Variants in PDE7B observed in about 807,000 individuals in gnomAD.
PDE7B encodes the protein phosphodiesterase 7B, also known as 3',5'-cyclic-AMP phosphodiesterase 7B.
PDE7B carries 29 observed loss-of-function variants against 56.2 expected under a neutral mutation model. That is an observed-to-expected ratio of 0.52 (90% CI 0.38 to 0.70). PDE7B has a LOEUF of 0.70. Ranked by LOEUF, PDE7B falls within the 30% of genes least tolerant of loss-of-function variation. The probability of loss-of-function intolerance (pLI) is 0.00; values close to 1 mark genes in which losing one functional copy is unlikely to be tolerated. For synonymous variants in PDE7B, 197 were observed against 196.9 expected (o/e 1.00, Z 0.00); for missense variants, 490 against 565.0 (o/e 0.87, Z 1.35).
intron 2 of PDE7B, among the ~76,000 whole-genome samples, chr6:136,102,683 C>T (rs1016147279): frequency 6.6e-6 from 1 of 152,112 alleles, no homozygotes; most frequent in Non-Finnish European, 1.5e-5. Flanking sequence ...TTTTATGAGA[C>T]TCCTATGTTC....
At chr6:135,936,768 C>T (rs1317452716) in intron 1 of PDE7B, among the ~76,000 whole-genome samples, 1 of 152,184 alleles carries the variant, frequency 6.6e-6, no homozygotes, top group Non-Finnish European at 1.5e-5. Flanking sequence ...TTCCAGGATC[C>T]AGAGGCCTGA....
intron 2 of PDE7B, chr6:135,993,244 A>C (rs1775505131): frequency 6.6e-6 from 1 of 152,250 alleles, no homozygotes; most frequent in Non-Finnish European, 1.5e-5. Context: ...TCAAAAGTTC[A>C]GCCTTAGCCA....
At chr6:136,173,054 A>G (rs537866882) in intron 8 of PDE7B, among the ~76,000 whole-genome samples, 3 of 152,100 alleles carry the variant, frequency 2.0e-5, no homozygotes, top group Non-Finnish European at 2.9e-5. Context: ...GGAAGAATCA[A>G]TATCATGAAA....
intron 2 of PDE7B, chr6:136,094,190 G>A (rs939067195): frequency 6.6e-6 from 1 of 152,236 alleles, no homozygotes; most frequent in Admixed American, 6.5e-5. Flanking sequence ...TCCATTCACG[G>A]AGGGCAGAGC....
intron 4 of PDE7B, among the ~76,000 whole-genome samples, chr6:136,148,204 C>T (rs1010498433): frequency 1.3e-5 from 2 of 151,642 alleles, no homozygotes; most frequent in African/African-American, 4.9e-5. Flanking sequence ...AAATATATAC[C>T]ACTGGCAAAG....
At chr6:136,161,353 C>A (rs1778701466) in intron 8 of PDE7B, among the ~76,000 whole-genome samples, 1 of 152,166 alleles carries the variant, frequency 6.6e-6, no homozygotes, top group Admixed American at 6.5e-5. Flanking sequence ...GGTCACCTAA[C>A]TCATTCACTG....
intron 1 of PDE7B, among the ~76,000 whole-genome samples, chr6:135,873,231 CAAG>C (rs1413935981): frequency 6.6e-6 from 1 of 152,126 alleles, no homozygotes; most frequent in Non-Finnish European, 1.5e-5. Flanking sequence ...TTTCTGCTGT[CAAG>C]AACACACCTG....
chr6:136,126,063 A>T (rs1778018776), intron 3 of PDE7B, among the ~76,000 whole-genome samples: 1 of 152,338 alleles, frequency 6.6e-6, no homozygotes, highest in African/African-American at 2.4e-5. Flanking sequence ...CAATAAGTAA[A>T]TACTTGGGCA....
At chr6:136,121,737 A>T (rs1448444448) in intron 3 of PDE7B, among the ~76,000 whole-genome samples, 2 of 152,238 alleles carry the variant, frequency 1.3e-5, no homozygotes, top group African/African-American at 2.4e-5. Context: ...AAAGGTTGGC[A>T]TTGGCATTTG....
At chr6:136,153,121 G>A (rs1778548591) in intron 6 of PDE7B, among the ~76,000 whole-genome samples, 1 of 152,192 alleles carries the variant, frequency 6.6e-6, no homozygotes, top group South Asian at 2.1e-4. Flanking sequence ...CAAGCTGATT[G>A]TATTTCAATT....
intron 2 of PDE7B, among the ~76,000 whole-genome samples, chr6:136,005,183 C>T (rs1192707381): frequency 4.6e-5 from 7 of 152,170 alleles, no homozygotes; most frequent in Admixed American, 1.3e-4. Context: ...CCCTTCCTTA[C>T]ACCTTATACA....
intron 3 of PDE7B, among the ~76,000 whole-genome samples, chr6:136,126,500 C>T (rs759859420): frequency 4.6e-5 from 7 of 152,100 alleles, no homozygotes; most frequent in Admixed American, 1.3e-4. Flanking sequence ...GATACTTGCA[C>T]GTGTATGTTT....
At chr6:135,894,432 C>G (rs182119970) in intron 1 of PDE7B, among the ~76,000 whole-genome samples, 2 of 152,168 alleles carry the variant, frequency 1.3e-5, no homozygotes, top group Admixed American at 6.6e-5. Flanking sequence ...TAGCCAAACA[C>G]TTTTCCGTCT....
At chr6:136,092,158 G>A (rs1777398103) in intron 2 of PDE7B, among the ~76,000 whole-genome samples, 1 of 152,144 alleles carries the variant, frequency 6.6e-6, no homozygotes, top group African/African-American at 2.4e-5. Context: ...GGTATTCAAT[G>A]AAGATTGACT....
intron 1 of PDE7B, 118 bp from the exon 2 acceptor site, chr6:135,947,346 G>T: frequency 1.3e-6 from 1 of 781,216 alleles, no homozygotes; most frequent in Non-Finnish European, 2.2e-6. Flanking sequence ...CTAGACTCAG[G>T]TAACCAATGA....
intron 3 of PDE7B, among the ~76,000 whole-genome samples, chr6:136,113,190 A>T (rs1194319957): frequency 2.6e-5 from 4 of 152,244 alleles, no homozygotes; most frequent in African/African-American, 9.6e-5. Context: ...GAGGTAATGC[A>T]TAAGTTATTT....
chr6:135,992,615 C>CT (rs1304058086), intron 2 of PDE7B, among the ~76,000 whole-genome samples: 2 of 152,020 alleles, frequency 1.3e-5, no homozygotes, highest in Non-Finnish European at 2.9e-5. Context: ...ATTAACTTTC[C>CT]TTTTTACTTA....
chr6:136,003,665 C>G (rs946389524), intron 2 of PDE7B, among the ~76,000 whole-genome samples: 1 of 152,186 alleles, frequency 6.6e-6, no homozygotes, highest in African/African-American at 2.4e-5. Context: ...GAGGTTGAAT[C>G]TCTGAATAGA....
At chr6:135,950,393 T>C (rs1289523326) in intron 2 of PDE7B, among the ~76,000 whole-genome samples, 1 of 152,180 alleles carries the variant, frequency 6.6e-6, no homozygotes, top group Non-Finnish European at 1.5e-5. Flanking sequence ...CACAAGAAAG[T>C]ATAAGGAGTC....
Sources: allele counts gnomAD v4.1 joint callset (sites outside exome capture counted in the v4.1 genomes callset), GRCh38; gene constraint gnomAD v4.1.1; transcripts MANE v1.5; gene names NCBI Gene and HGNC (gene_info 2026-07-23, HGNC 2026-07-21).